Variants in ZFPM1 observed in about 807,000 individuals in gnomAD.
ZFPM1 encodes the protein zinc finger protein ZFPM1.
ZFPM1 carries 28 observed loss-of-function variants against 46.3 expected under a neutral mutation model. The observed-to-expected ratio is 0.60, with a 90% CI of 0.45 to 0.83. The LOEUF is 0.83. Ranked by LOEUF, ZFPM1 falls within the 40% of genes least tolerant of loss-of-function variation. The pLI, the probability that ZFPM1 is intolerant of heterozygous loss-of-function variation, is 0.00. For missense variants in ZFPM1, 1,878 were observed against 1,432.4 expected (o/e 1.31, Z -5.02); for synonymous variants, 957 against 675.9 (o/e 1.42, Z -6.45).
At chr16:88,501,609 G>A (rs1280708474) in intron 3 of ZFPM1, among the ~76,000 whole-genome samples, 2 of 135,424 alleles carry the variant, frequency 1.5e-5, no homozygotes, top group African/African-American at 2.9e-5. Flanking sequence ...CGCAGGTACT[G>A]GTGATGATGG....
intron 1 of ZFPM1, among the ~76,000 whole-genome samples, chr16:88,467,609 T>C (rs1192078758): frequency 1.3e-5 from 2 of 152,216 alleles, no homozygotes; most frequent in Non-Finnish European, 2.9e-5. Context: ...CCTGTCATGC[T>C]GGGACCTCCG....
At chr16:88,501,346 G>A (rs1166392434) in intron 3 of ZFPM1, among the ~76,000 whole-genome samples, 2 of 115,634 alleles carry the variant, frequency 1.7e-5, no homozygotes, top group African/African-American at 3.4e-5. Flanking sequence ...GGGCCCTCCC[G>A]CAGGTGCTGG....
chr16:88,484,308 C>T (rs1216529018), intron 1 of ZFPM1, among the ~76,000 whole-genome samples: 2 of 152,230 alleles, frequency 1.3e-5, no homozygotes, highest in African/African-American at 4.8e-5. Context: ...AACAGTTCTC[C>T]ATCCGTGCGG....
chr16:88,501,544 A>C lies in ZFPM1; in HGVS notation c.268+12391A>C, dbSNP rs370233543. Among the ~76,000 whole-genome samples, 436 of 98,370 alleles carry C rather than the reference A, an allele frequency of 4.4e-3. 15 individuals carry two copies. The highest frequency in any genetic ancestry group is 0.017 in the African/African-American group (331 of 19,478). The allele number at this position is 98,370 out of a possible 152,430, so 64.5% of individuals were successfully genotyped here. A position where few individuals can be genotyped will look rare whatever the true frequency, so the allele number is the denominator to read the frequency against. ...GATAGCAGACATGGGTGCGTGGGCC[A>C]TCCCGCAGGTGCTGGTGATGATGGA... On this transcript the variant is annotated intron_variant, in intron 3 of 9. Transcript: ENST00000319555.
At position 88,532,788 on chromosome 16, in the gene ZFPM1, G is replaced by C; in HGVS notation, c.1043-1G>C. 6.2e-7 allele frequency: 1 copy of C among 1,613,188 alleles called. No individual in the cohort carries two copies. Among genetic ancestry groups the C allele is most frequent in the Non-Finnish European group, 8.5e-7 (1 of 1,179,926 alleles). On this transcript the variant is annotated splice_acceptor_variant, in intron 8 of 9. Coordinates refer to ENST00000319555, the MANE Select transcript of ZFPM1 (RefSeq NM_153813.3). LOFTEE classifies it high-confidence loss of function. ...CTTGACCACCTCGCCATGGCCCACAGGTGTCTGCCACAGCTGTGGCTTCAT... is the reference window on the plus strand; with the variant it reads ...CTTGACCACCTCGCCATGGCCCACACGTGTCTGCCACAGCTGTGGCTTCAT...
chr16:88,479,564 G>A (rs977585001), intron 1 of ZFPM1, among the ~76,000 whole-genome samples: 2 of 152,194 alleles, frequency 1.3e-5, no homozygotes, highest in South Asian at 2.1e-4. Context: ...TGTCCCCACC[G>A]TGGCCCAAGC....
At position 88,523,092 on chromosome 16, in the gene ZFPM1, G is replaced by C. The variant is rs148307991; in HGVS notation, c.403-3722G>C. Among the ~76,000 whole-genome samples, 14 of 152,132 alleles carry C rather than the reference G, an allele frequency of 9.2e-5. No individual in the cohort carries two copies. The East Asian group carries it at 2.7e-3, about 29-fold the overall frequency. On this transcript the variant is annotated intron_variant, in intron 4 of 9. Transcript: ENST00000319555. ...GTGGTGGTGCTTGCCTGTAATCCCA[G>C]CTACTCGGGAGGCTGAGGCAGGAGA... is the stretch of plus-strand genomic sequence containing the variant.
intron 1 of ZFPM1, among the ~76,000 whole-genome samples, chr16:88,456,696 G>A (rs560933719): frequency 1.2e-4 from 19 of 152,360 alleles, no homozygotes; most frequent in African/African-American, 4.1e-4. Context: ...CTGGGGCTGG[G>A]GGGCCAGCCT....
chr16:88,501,376 CAT>C (rs1910296354), intron 3 of ZFPM1, among the ~76,000 whole-genome samples: 1 of 107,600 alleles, frequency 9.3e-6, no homozygotes, highest in Admixed American at 1.0e-4. Flanking sequence ...AGATAGCAGA[CAT>C]GGGTGCGGGG....
At chr16:88,457,896 C>G (rs1016251760) in intron 1 of ZFPM1, among the ~76,000 whole-genome samples, 4 of 152,196 alleles carry the variant, frequency 2.6e-5, no homozygotes, top group African/African-American at 9.7e-5. Context: ...GGAGTCCACG[C>G]CGTCACCCAG....
chr16:88,490,298 C>T (rs1316421587), intron 3 of ZFPM1, among the ~76,000 whole-genome samples: 3 of 152,134 alleles, frequency 2.0e-5, no homozygotes, highest in South Asian at 4.1e-4. Context: ...GTGATCCGCC[C>T]GCCTCGGCCT....
intron 1 of ZFPM1, among the ~76,000 whole-genome samples, chr16:88,457,709 T>C (rs1394005510): frequency 6.6e-6 from 1 of 152,170 alleles, no homozygotes; most frequent in Non-Finnish European, 1.5e-5. Flanking sequence ...CAGGCTGGTC[T>C]TGAACTCCTG....
chr16:88,532,481 G>A lies in ZFPM1; in HGVS notation c.947-133G>A, dbSNP rs1332335563. On this transcript the variant is annotated intron_variant, in intron 7 of 9. Coordinates refer to ENST00000319555, the MANE Select transcript of ZFPM1 (RefSeq NM_153813.3). ...GAGACAAAAGGCGGAGGAGGAGGAG[G>A]AGGGGTTTAAAGACCCTTCAGCACA... 8 of 958,518 alleles carry A rather than the reference G, an allele frequency of 8.3e-6. No individual in the cohort carries two copies. In the Admixed American group the frequency reaches 1.3e-4, roughly 16 times the overall value. The allele number at this position is 958,518 out of a possible 1,614,324, so 59.4% of individuals were successfully genotyped here.
chr16:88,525,770 C>T (rs1420985667), intron 4 of ZFPM1, among the ~76,000 whole-genome samples: 1 of 152,210 alleles, frequency 6.6e-6, no homozygotes, highest in South Asian at 2.1e-4. Flanking sequence ...ATGGACTGCC[C>T]GCCCCACCTC....
chr16:88,458,537 A>G (rs1243282719), intron 1 of ZFPM1, among the ~76,000 whole-genome samples: 2 of 152,218 alleles, frequency 1.3e-5, no homozygotes, highest in Admixed American at 6.5e-5. Flanking sequence ...TCCTGTTTCT[A>G]TGCCAACCAG....
chr16:88,517,424 G>A (rs1386847644), intron 4 of ZFPM1, among the ~76,000 whole-genome samples: 1 of 148,294 alleles, frequency 6.7e-6, no homozygotes, highest in African/African-American at 2.5e-5. Context: ...GGATGGTTGT[G>A]TGAGTAGATG....
rs749896946 is a variant in ZFPM1 at position 88,532,069 on chromosome 16, G to T, written c.780G>T (p.Leu260=). ...YRSERNLQAH[L]LYYCASRQGT... ...GCGAGCGCAACCTGCAGGCGCACCT[G>T]CTCTACTACTGCGCCAGCCGCCAGG... is the stretch of plus-strand genomic sequence containing the variant. The change falls in exon 7 of 10, where the codon CTG becomes CTT. Residue 260 remains leucine, a synonymous_variant. Coordinates refer to ENST00000319555, the MANE Select transcript of ZFPM1 (RefSeq NM_153813.3). The T allele has an allele frequency of 1.4e-4, 230 of 1,612,392 alleles. 1 individual carries two copies. Among genetic ancestry groups the T allele is most frequent in the Non-Finnish European group, 1.9e-4 (225 of 1,179,762 alleles).
intron 1 of ZFPM1, among the ~76,000 whole-genome samples, chr16:88,464,691 A>C (rs1274412103): frequency 1.3e-5 from 2 of 152,228 alleles, no homozygotes; most frequent in Non-Finnish European, 2.9e-5. Context: ...TTCCAGCTCT[A>C]CAGGCTGCGG....
chr16:88,506,415 A>G (rs2142411997), intron 3 of ZFPM1, among the ~76,000 whole-genome samples: 1 of 145,998 alleles, frequency 6.8e-6, no homozygotes, highest in East Asian at 2.1e-4. Context: ...GTTTCCCCTC[A>G]GTGAAATAGA....
Sources: gnomAD v4.1 joint callset for allele counts (sites outside exome capture counted in the v4.1 genomes callset) on GRCh38, gnomAD v4.1.1 for gene constraint, MANE v1.5 for transcripts, NCBI Gene and HGNC (gene_info 2026-07-23, HGNC 2026-07-21) for gene names.